The following RIMS4 variants were observed in gnomAD, a reference collection of about 807,000 sequenced individuals.
RIMS4 encodes regulating synaptic membrane exocytosis protein 4.
A neutral mutation model predicts 29.0 loss-of-function variants in RIMS4; 9 were observed. That is an observed-to-expected ratio of 0.31 (90% CI 0.19 to 0.54). The LOEUF (loss-of-function observed/expected upper bound fraction) is 0.54. Among genes scored for constraint, RIMS4 ranks in the 20% least tolerant of loss-of-function variants. The probability of loss-of-function intolerance (pLI) is 0.94; values close to 1 mark genes in which losing one functional copy is unlikely to be tolerated. For synonymous variants in RIMS4, 130 were observed against 152.9 expected, an observed-to-expected ratio of 0.85 and a Z score of 1.10; for missense variants, 193 against 365.7, an observed-to-expected ratio of 0.53 and a Z score of 3.85.
chr20:44,809,591 G>A (rs1759788587), intron 1 of RIMS4, among the ~76,000 whole-genome samples: 1 of 152,180 alleles, frequency 6.6e-6, no homozygotes, highest in Non-Finnish European at 1.5e-5. Flanking sequence ...TCACCTGGCC[G>A]GTTCCCCTCC....
At chr20:44,809,668 T>G (rs2066314522) in intron 1 of RIMS4, among the ~76,000 whole-genome samples, 1 of 151,794 alleles carries the variant, frequency 6.6e-6, no homozygotes, top group Non-Finnish European at 1.5e-5. Flanking sequence ...AGAGGAGAGA[T>G]AAATGGGGGC....
At chr20:44,766,274 T>C (rs1467461034) in intron 2 of RIMS4, among the ~76,000 whole-genome samples, 1 of 152,172 alleles carries the variant, frequency 6.6e-6, no homozygotes. Flanking sequence ...ATTACTGGTG[T>C]TGGCACATGA....
chr20:44,800,122 T>C (rs1440178868), intron 1 of RIMS4, among the ~76,000 whole-genome samples: 1 of 152,186 alleles, frequency 6.6e-6, no homozygotes, highest in African/African-American at 2.4e-5. Flanking sequence ...ACTTTCACCA[T>C]GCTATACTGC....
chr20:44,808,921 C>T (rs1048294307), intron 1 of RIMS4, among the ~76,000 whole-genome samples: 1 of 152,086 alleles, frequency 6.6e-6, no homozygotes, highest in Non-Finnish European at 1.5e-5. Flanking sequence ...ATATGCACTT[C>T]GGGAGAGATA....
chr20:44,757,223 G>A (rs904949842), intron 4 of RIMS4, among the ~76,000 whole-genome samples, 186 bp from the exon 5 acceptor site: 21 of 151,952 alleles, frequency 1.4e-4, no homozygotes, highest in African/African-American at 4.6e-4. Context: ...GGGCTTGGGT[G>A]CAGCCTGCCC....
chr20:44,802,635 T>G (rs111951371), intron 1 of RIMS4, among the ~76,000 whole-genome samples: 50 of 152,284 alleles, frequency 3.3e-4, no homozygotes, highest in African/African-American at 1.2e-3. Flanking sequence ...GCGTTATGCA[T>G]GTAAAGGCAC....
At position 44,758,060 on chromosome 20, in the gene RIMS4, T is replaced by TG; in HGVS notation, c.349+11dup. 1 of 1,582,690 alleles carries TG rather than the reference T, an allele frequency of 6.3e-7. No homozygotes were observed. The highest frequency in any genetic ancestry group is 1.1e-5 in the South Asian group (1 of 88,274). ...CCCCTAGTCCATTTGAAACCAGCCT[T>TG]GGGGCACTCACCCATGGGTGTGGTG... On this transcript the variant is annotated intron_variant, in intron 3 of 5. Coordinates refer to ENST00000372851, the MANE Select transcript of RIMS4 (RefSeq NM_182970.4).
rs1356210963 is a variant in RIMS4 at position 44,754,473 on chromosome 20, T to A, written c.*1661A>T. 1 of 156,298 alleles carries A rather than the reference T, an allele frequency of 6.4e-6. No homozygotes were observed. The highest frequency in any genetic ancestry group is 2.4e-5 in the African/African-American group (1 of 41,530). The allele number at this position is 156,298 out of a possible 1,614,324, so 9.7% of individuals were successfully genotyped here. On this transcript the variant is annotated 3_prime_UTR_variant, in exon 6 of 6. Coordinates refer to ENST00000372851, the MANE Select transcript of RIMS4 (RefSeq NM_182970.4). ...GTCCTCAGGAGAAAACAACACCCTC[T>A]AATGGAGACCAGGCCCCCTCTGCCA...
At chr20:44,774,596 C>A (rs1404097828) in intron 1 of RIMS4, among the ~76,000 whole-genome samples, 1 of 152,162 alleles carries the variant, frequency 6.6e-6, no homozygotes, top group East Asian at 1.9e-4. Context: ...TTGCAGACTG[C>A]CTATTGTGGG....
At chr20:44,809,963 G>A (rs1810404107) in intron 1 of RIMS4, among the ~76,000 whole-genome samples, 1 of 151,964 alleles carries the variant, frequency 6.6e-6, no homozygotes. Flanking sequence ...TGCGGGAAAG[G>A]TGAATGCAGA....
chr20:44,788,005 T>C (rs902119691), intron 1 of RIMS4, among the ~76,000 whole-genome samples: 2 of 152,242 alleles, frequency 1.3e-5, no homozygotes, highest in Admixed American at 6.5e-5. Context: ...ACTAGGAAAC[T>C]GAGACACACA....
At chr20:44,803,167 T>C (rs1187444878) in intron 1 of RIMS4, among the ~76,000 whole-genome samples, 1 of 152,192 alleles carries the variant, frequency 6.6e-6, no homozygotes, top group Non-Finnish European at 1.5e-5. Context: ...GCAGAAACCA[T>C]GTCTGACTTG....
At chr20:44,770,999 A>G (rs1357952283) in intron 2 of RIMS4, among the ~76,000 whole-genome samples, 2 of 152,238 alleles carry the variant, frequency 1.3e-5, no homozygotes, top group African/African-American at 4.8e-5. Flanking sequence ...CCCATTTTAC[A>G]GATGAGGAAA....
At position 44,799,419 on chromosome 20, in the gene RIMS4, CAAATGGTAAGTT is replaced by C. The variant is rs758451464; in HGVS notation, c.97+10744_97+10755del. Among the ~76,000 whole-genome samples, 1,569 of 152,266 alleles carry C rather than the reference CAAATGGTAAGTT, an allele frequency of 0.01. 68 individuals are homozygous for C. The East Asian group carries it at 0.11, about 11-fold the overall frequency. On this transcript the variant is annotated intron_variant, in intron 1 of 5. Transcript: ENST00000372851. ...TAGCATGCCCAGTAGAAGCTGGGCA[CAAATGGTAAGTT>C]TCCTGAGGCCAGATGGCTCGGGGGT...
intron 1 of RIMS4, among the ~76,000 whole-genome samples, chr20:44,777,965 T>G (rs1203936143): frequency 6.6e-6 from 1 of 152,220 alleles, no homozygotes; most frequent in Non-Finnish European, 1.5e-5. Context: ...CAGCCACTAC[T>G]CTTCCTGTAT....
At chr20:44,773,104 T>A (rs545652078) in intron 1 of RIMS4, among the ~76,000 whole-genome samples, 1 of 152,164 alleles carries the variant, frequency 6.6e-6, no homozygotes, top group Non-Finnish European at 1.5e-5. Context: ...GTAAGATGCA[T>A]GCAAAGACAG....
rs190122730 is a variant in RIMS4, at chr20:44,806,025, G to C, written c.97+4150C>G. On this transcript the variant is annotated intron_variant, in intron 1 of 5. Transcript: ENST00000372851. ...CCCCAGCCCAACAGATTTGGTCTGA[G>C]CGGAAGAGGGTGGTGCCAGGAAGGG... Among the ~76,000 whole-genome samples the C allele has an allele frequency of 6.5e-4, 99 of 152,374 alleles. 2 individuals are homozygous for C. The East Asian group carries it at 0.018, about 28-fold the overall frequency.
intron 2 of RIMS4, among the ~76,000 whole-genome samples, chr20:44,759,204 T>A (rs183192981): frequency 5.5e-4 from 84 of 152,232 alleles, no homozygotes; most frequent in African/African-American, 2.0e-3. Context: ...CATTTTCTCA[T>A]CTGATCCTCA....
intron 2 of RIMS4, among the ~76,000 whole-genome samples, chr20:44,760,904 G>A (rs1457397214): frequency 6.6e-6 from 1 of 152,094 alleles, no homozygotes; most frequent in Non-Finnish European, 1.5e-5. Context: ...TAATAAATAA[G>A]TAGAGAATTA....
Sources: gnomAD v4.1 joint callset for allele counts (sites outside exome capture counted in the v4.1 genomes callset) on GRCh38, gnomAD v4.1.1 for gene constraint, MANE v1.5 for transcripts, NCBI Gene and HGNC (gene_info 2026-07-23, HGNC 2026-07-21) for gene names.